Variants in MME observed in about 807,000 individuals in gnomAD.
MME encodes neprilysin.
A neutral mutation model predicts 113.2 loss-of-function variants in MME; 98 were observed. The observed-to-expected ratio is 0.87, with a 90% confidence interval of 0.74 to 1.02. MME has a LOEUF of 1.02. Among genes scored for constraint, MME ranks in the 50% least tolerant of loss-of-function variants. The pLI, the probability that MME is intolerant of heterozygous loss-of-function variation, is 0.00. For synonymous variants in MME, 292 were observed against 300.6 expected (o/e 0.97, Z 0.30); for missense variants, 836 against 896.0 (o/e 0.93, Z 0.86).
rs1714359276 is a variant in MME, at chr3:155,065,586, A to C, written c.-10-18572A>C. Among the ~76,000 whole-genome samples, 3 of 152,194 alleles carry C rather than the reference A, an allele frequency of 2.0e-5. No individual in the cohort carries two copies. In the South Asian group the frequency reaches 6.2e-4, roughly 32 times the overall value. The stretch of plus-strand genomic sequence containing the variant: ...TCTTGAAATCTATATAAATAAGGTG[A>C]AATTTTGTCTCTTTATCTGCTAGTA... On this transcript the variant is annotated intron_variant, in intron 1 of 22. Coordinates refer to the MME transcript ENST00000492661.
At chr3:155,033,214 C>T (rs966883257) in intron 1 of MME, among the ~76,000 whole-genome samples, 5 of 152,288 alleles carry the variant, frequency 3.3e-5, no homozygotes, top group East Asian at 1.9e-4. Flanking sequence ...GTGACTCAGG[C>T]TCCAGGGCTT....
intron 1 of MME, among the ~76,000 whole-genome samples, chr3:155,056,238 T>TA (rs1384069627): frequency 3.3e-5 from 5 of 152,064 alleles, no homozygotes; most frequent in African/African-American, 1.2e-4. Context: ...GCAGGTTAGT[T>TA]ACATATGTAT....
chr3:155,083,878 T>A lies in MME; in HGVS notation c.-10-280T>A, dbSNP rs1715401509. 7.8e-6 allele frequency: 3 copies of A among 385,184 alleles called. No individual in the cohort carries two copies. In the Admixed American group the frequency reaches 1.2e-4, roughly 15 times the overall value. The allele number at this position is 385,184 out of a possible 1,614,324, so 23.9% of individuals were successfully genotyped here. On this transcript the variant is annotated intron_variant, in intron 1 of 22. Coordinates refer to ENST00000360490, the MANE Select transcript of MME (RefSeq NM_007289.4). ...AATCCTACTTGAGTATTTAACCAAG[T>A]CTTACTGTCTAATTTTGCTGAGATT...
At chr3:155,174,362 GT>G (rs1712301640) in intron 22 of MME, among the ~76,000 whole-genome samples, 1 of 146,860 alleles carries the variant, frequency 6.8e-6, no homozygotes. Context: ...GTGTGTGTGT[GT>G]GTGTGTGTGT....
intron 1 of MME, among the ~76,000 whole-genome samples, chr3:155,070,650 T>C (rs1714520335): frequency 6.6e-6 from 1 of 152,210 alleles, no homozygotes; most frequent in East Asian, 1.9e-4. Context: ...CTATTTCACC[T>C]GGCACTTTTC....
At chr3:155,083,940 C>A in intron 1 of MME, 1 of 510,868 alleles carries the variant, frequency 2.0e-6, no homozygotes. Context: ...AACAAAACAA[C>A]AGCAACAAAA....
At chr3:155,127,007 CA>C (rs781764437) in intron 8 of MME, among the ~76,000 whole-genome samples, 8,036 of 65,088 alleles carry the variant, frequency 0.12, 227 homozygotes, top group South Asian at 0.27. Context: ...AACTCCATCT[CA>C]AAAAAAAAAA....
chr3:155,167,004 A>G lies in MME; in HGVS notation c.1763A>G (p.His588Arg), dbSNP rs1395297547. 2 of 1,613,546 alleles carry G rather than the reference A, an allele frequency of 1.2e-6. No individual in the cohort carries two copies. The highest frequency in any genetic ancestry group is 1.3e-5 in the African/African-American group (1 of 74,880). ...IGMVIGHEITHGFDDNGRNFN... is the reference protein window; with the variant it reads ...IGMVIGHEITRGFDDNGRNFN... ...ATGGTCATAGGACACGAAATCACCC[A>G]TGGCTTCGATGACAATGGTAAAGTG... is the stretch of plus-strand genomic sequence containing the variant. The change falls in exon 18 of 23, where the codon CAT (histidine) becomes CGT (arginine). Residue 588 changes from histidine (H) to arginine (R), a missense_variant. Physicochemically the swap from His to Arg is conservative, Grantham distance 29. Coordinates refer to ENST00000360490, the MANE Select transcript of MME (RefSeq NM_007289.4).
intron 8 of MME, among the ~76,000 whole-genome samples, chr3:155,134,890 A>G (rs755992408): frequency 7.2e-5 from 11 of 152,142 alleles, no homozygotes; most frequent in Non-Finnish European, 1.5e-4. Context: ...ATGATTAGCT[A>G]TGTTTAATGT....
chr3:155,116,309 C>T (rs1456300478), intron 4 of MME, among the ~76,000 whole-genome samples, 170 bp from the exon 5 acceptor site: 1 of 151,818 alleles, frequency 6.6e-6, no homozygotes, highest in Non-Finnish European at 1.5e-5. Context: ...TTGGTTTTTC[C>T]TATAATGTTT....
At position 155,118,755 on chromosome 3, in the gene MME, C is replaced by A; in HGVS notation, c.664C>A (p.Pro222Thr). 1.3e-6 allele frequency: 2 copies of A among 1,595,898 alleles called. No homozygotes were observed. The highest frequency in any genetic ancestry group is 1.7e-6 in the Non-Finnish European group (2 of 1,165,394). ...SVNHVIHIDQPRLGLPSRDYY... is the reference protein window; with the variant it reads ...SVNHVIHIDQTRLGLPSRDYY... ...TGTATATTTTTTATAGATTGACCAA[C>A]CTCGACTTGGCCTCCCTTCTAGAGA... Residue 222 changes from proline to threonine, a missense_variant, in exon 8 of 23, where the codon CCT becomes ACT. By Grantham distance (38) the Pro-to-Thr change is conservative (BLOSUM62 -1). Coordinates refer to ENST00000360490, the MANE Select transcript of MME (RefSeq NM_007289.4).
chr3:155,066,971 A>G (rs1441579497), intron 1 of MME, among the ~76,000 whole-genome samples: 1 of 152,080 alleles, frequency 6.6e-6, no homozygotes, highest in African/African-American at 2.4e-5. Context: ...CAACCATCTC[A>G]CCTCCTAACA....
chr3:155,043,324 TTTTC>T (rs1454553760), intron 1 of MME, among the ~76,000 whole-genome samples: 1 of 150,750 alleles, frequency 6.6e-6, no homozygotes, highest in South Asian at 2.1e-4. Context: ...ATGAACCTCT[TTTTC>T]TTTCTTTCTT....
At chr3:155,178,134 T>C (rs1712740017) in intron 22 of MME, among the ~76,000 whole-genome samples, 1 of 152,194 alleles carries the variant, frequency 6.6e-6, no homozygotes, top group Non-Finnish European at 1.5e-5. Context: ...ATCATCTCCC[T>C]GACAAGTGGA....
intron 1 of MME, among the ~76,000 whole-genome samples, chr3:155,050,980 T>C (rs1713743332): frequency 6.6e-6 from 1 of 152,186 alleles, no homozygotes; most frequent in Admixed American, 6.5e-5. Context: ...CATAAGTGAT[T>C]AACTTGGATG....
chr3:155,105,160 A>C (rs1032506708), intron 3 of MME, among the ~76,000 whole-genome samples: 1 of 152,192 alleles, frequency 6.6e-6, no homozygotes, highest in African/African-American at 2.4e-5. Context: ...GGGAGTGCCA[A>C]CTGAAGTTTA....
intron 13 of MME, 139 bp downstream of exon 13, chr3:155,143,710 A>G (rs955339097): frequency 7.9e-6 from 8 of 1,008,588 alleles, no homozygotes; most frequent in South Asian, 4.1e-5. Flanking sequence ...ATAATATGCC[A>G]TTGTTTCCCA....
chr3:155,124,840 T>C (rs371379462), intron 8 of MME, among the ~76,000 whole-genome samples: 6 of 152,198 alleles, frequency 3.9e-5, no homozygotes, highest in Non-Finnish European at 8.8e-5. Flanking sequence ...GACAGGGACA[T>C]TTAAGTCTGC....
At chr3:155,168,970 A>G (rs1711611921) in intron 20 of MME, 173 bp downstream of exon 20, 6 of 610,584 alleles carry the variant, frequency 9.8e-6, no homozygotes, top group Middle Eastern at 4.5e-4. Flanking sequence ...CATAAGGGTC[A>G]ATACATTGAT....
Sources: allele counts gnomAD v4.1 joint callset (sites outside exome capture counted in the v4.1 genomes callset), GRCh38; gene constraint gnomAD v4.1.1; transcripts MANE v1.5; gene names NCBI Gene and HGNC (gene_info 2026-07-23, HGNC 2026-07-21).